Variants in MCM9 observed in about 807,000 individuals in gnomAD.
MCM9 encodes DNA helicase MCM9.
In MCM9, 55 loss-of-function variants were observed where a neutral mutation model predicts 72.8. The observed-to-expected ratio is 0.76, with a 90% confidence interval of 0.61 to 0.95. The LOEUF is 0.95. MCM9 is among the 40% of genes least tolerant of loss of function. The pLI, the probability that MCM9 is intolerant of heterozygous loss-of-function variation, is 0.00. For synonymous variants in MCM9, 480 were observed against 503.4 expected (o/e 0.95, Z 0.62); for missense variants, 1,279 against 1,377.0 (o/e 0.93, Z 1.13).
At chr6:118,906,517 T>C (rs1169001733) in intron 8 of MCM9, among the ~76,000 whole-genome samples, 1 of 152,232 alleles carries the variant, frequency 6.6e-6, no homozygotes, top group East Asian at 1.9e-4. Flanking sequence ...AATGATGATA[T>C]TTTTGTGTGT....
intron 8 of MCM9, among the ~76,000 whole-genome samples, chr6:118,867,449 T>C (rs1212497140): frequency 1.3e-5 from 2 of 152,310 alleles, no homozygotes; most frequent in African/African-American, 4.8e-5. Flanking sequence ...TTATATTCAC[T>C]CACTACTCAC....
At chr6:118,846,838 T>G (rs1415749159) in intron 9 of MCM9, among the ~76,000 whole-genome samples, 1 of 151,624 alleles carries the variant, frequency 6.6e-6, no homozygotes, top group Non-Finnish European at 1.5e-5. Context: ...TAATAATGAT[T>G]CAGAAAAACA....
intron 13 of MCM9, among the ~76,000 whole-genome samples, chr6:118,825,104 T>C (rs1215655049): frequency 6.6e-6 from 1 of 152,194 alleles, no homozygotes; most frequent in Non-Finnish European, 1.5e-5. Context: ...TCTGGTAGCT[T>C]GGATCAGTCA....
chr6:118,877,652 T>C (rs1778020867), intron 8 of MCM9, among the ~76,000 whole-genome samples: 1 of 152,182 alleles, frequency 6.6e-6, no homozygotes. Flanking sequence ...TACAAAAGTT[T>C]CAGTTATACA....
intron 8 of MCM9, among the ~76,000 whole-genome samples, chr6:118,905,358 G>C (rs549988930): frequency 6.3e-4 from 27 of 42,924 alleles, no homozygotes; most frequent in African/African-American, 3.3e-3. Flanking sequence ...ATAATGAATA[G>C]TGTATAATCC....
chr6:118,849,889 AG>A (rs1776115026), intron 9 of MCM9, among the ~76,000 whole-genome samples: 1 of 151,910 alleles, frequency 6.6e-6, no homozygotes, highest in Non-Finnish European at 1.5e-5. Context: ...TCCAAAAAAA[AG>A]AAACATAGGA....
chr6:118,910,779 A>C, intron 8 of MCM9: 1 of 985,398 alleles, frequency 1.0e-6, no homozygotes. Context: ...TATACTGTTG[A>C]GTTATATTTC....
chr6:118,833,621 C>A (rs916686482), intron 9 of MCM9, among the ~76,000 whole-genome samples: 3 of 152,156 alleles, frequency 2.0e-5, no homozygotes, highest in Non-Finnish European at 2.9e-5. Context: ...AAAATGCAAA[C>A]ACATACTACA....
intron 8 of MCM9, among the ~76,000 whole-genome samples, chr6:118,880,388 C>T (rs1778212314): frequency 6.6e-6 from 1 of 152,244 alleles, no homozygotes; most frequent in African/African-American, 2.4e-5. Context: ...AGTAGAATGT[C>T]CACTTGTCAG....
At chr6:118,927,036 T>C (rs1225204488) in intron 3 of MCM9, among the ~76,000 whole-genome samples, 1 of 152,180 alleles carries the variant, frequency 6.6e-6, no homozygotes, top group Non-Finnish European at 1.5e-5. Context: ...AAATTTGCTT[T>C]AACAAAAATT....
intron 13 of MCM9, among the ~76,000 whole-genome samples, chr6:118,822,390 C>T: frequency 6.6e-6 from 1 of 152,188 alleles, no homozygotes; most frequent in East Asian, 1.9e-4. Flanking sequence ...CACAAGTCTG[C>T]TGCAGTTTGC....
At chr6:118,837,439 C>T (rs1257144049) in intron 9 of MCM9, among the ~76,000 whole-genome samples, 2 of 152,094 alleles carry the variant, frequency 1.3e-5, no homozygotes, top group African/African-American at 2.4e-5. Flanking sequence ...TTTTCTGTCT[C>T]GTTGATCTGT....
At chr6:118,929,326 G>C (rs1782188531) in intron 3 of MCM9, among the ~76,000 whole-genome samples, 1 of 152,116 alleles carries the variant, frequency 6.6e-6, no homozygotes, top group South Asian at 2.1e-4. Context: ...GTATCTGTAG[G>C]CATGCATACA....
chr6:118,921,711 A>G, intron 5 of MCM9: 2 of 236,254 alleles, frequency 8.5e-6, no homozygotes, highest in Non-Finnish European at 1.6e-5. Flanking sequence ...CTTAAATTAG[A>G]CATCAGTGGT....
At chr6:118,901,414 A>G (rs1388092147) in intron 8 of MCM9, among the ~76,000 whole-genome samples, 1 of 152,162 alleles carries the variant, frequency 6.6e-6, no homozygotes, top group Admixed American at 6.6e-5. Flanking sequence ...GGGTCATTGG[A>G]ATGACATTCC....
rs1021290408 is a variant in MCM9, at chr6:118,910,831, C to T, written c.1150+819G>A. On this transcript the variant is annotated intron_variant, in intron 8 of 13. Coordinates refer to ENST00000619706, the MANE Select transcript of MCM9 (RefSeq NM_017696.3). ...TTAACAGTTTTCCACTTATACAGGA[C>T]CATTAATTGGCCATTTTCTGTTGTA... 7 of 985,152 alleles carry T rather than the reference C, an allele frequency of 7.1e-6. No homozygotes were observed. In the African/African-American group the frequency reaches 1.2e-4, roughly 17 times the overall value. 61.0% of individuals were successfully genotyped at this position (985,152 alleles called of 1,614,324 possible). A position where few individuals can be genotyped will look rare whatever the true frequency, so the allele number is the denominator to read the frequency against.
chr6:118,843,722 A>ATATATATATGTG, intron 9 of MCM9, among the ~76,000 whole-genome samples: 1 of 81,616 alleles, frequency 1.2e-5, no homozygotes, highest in African/African-American at 4.8e-5. Flanking sequence ...ATATATATGT[A>ATATATATATGTG]TATATATATA....
chr6:118,883,717 G>A (rs575740680), intron 8 of MCM9, among the ~76,000 whole-genome samples: 122 of 151,848 alleles, frequency 8.0e-4, no homozygotes, highest in Non-Finnish European at 1.4e-3. Flanking sequence ...AATCGAACCC[G>A]GAGTCTGATA....
chr6:118,894,874 G>C (rs1033469274), intron 8 of MCM9, among the ~76,000 whole-genome samples: 4 of 152,248 alleles, frequency 2.6e-5, no homozygotes, highest in Non-Finnish European at 5.9e-5. Context: ...CAGCCTCCGC[G>C]ACCCTCCGGG....
Sources: gnomAD v4.1 joint callset for allele counts (sites outside exome capture counted in the v4.1 genomes callset) on GRCh38, gnomAD v4.1.1 for gene constraint, MANE v1.5 for transcripts, NCBI Gene and HGNC (gene_info 2026-07-23, HGNC 2026-07-21) for gene names.